The following DPP10 variants were observed in gnomAD, a reference collection of about 807,000 sequenced individuals.
DPP10 encodes the protein dipeptidyl peptidase like 10.
In DPP10, 33 loss-of-function variants were observed where a neutral mutation model predicts 120.9. The ratio of observed to expected loss-of-function variants is 0.27; its 90% CI spans 0.21 to 0.37. DPP10 has a LOEUF of 0.37. Ranked by LOEUF, DPP10 falls within the 10% of genes least tolerant of loss-of-function variation. The probability of loss-of-function intolerance (pLI) is 1.00; values close to 1 mark genes in which losing one functional copy is unlikely to be tolerated. For synonymous variants in DPP10, 337 were observed against 326.1 expected (o/e 1.03, Z -0.36); for missense variants, 816 against 942.8 (o/e 0.87, Z 1.76).
chr2:115,518,873 T>A (rs1032607433), intron 4 of DPP10, among the ~76,000 whole-genome samples: 4 of 152,166 alleles, frequency 2.6e-5, no homozygotes, highest in Non-Finnish European at 5.9e-5. Flanking sequence ...ATATGCTGTA[T>A]TCTTTAATGC....
At chr2:115,420,502 A>G (rs1160773410) in intron 3 of DPP10, among the ~76,000 whole-genome samples, 1 of 149,374 alleles carries the variant, frequency 6.7e-6, no homozygotes, top group African/African-American at 2.5e-5. Flanking sequence ...ATTGTGTCAA[A>G]CAGTTTAGTA....
chr2:114,827,896 A>G (rs754558616), intron 1 of DPP10, among the ~76,000 whole-genome samples: 4 of 152,230 alleles, frequency 2.6e-5, no homozygotes, highest in Non-Finnish European at 5.9e-5. Flanking sequence ...AGATATGAGC[A>G]AAATATTTTA....
intron 1 of DPP10, among the ~76,000 whole-genome samples, chr2:114,541,150 G>T (rs185304986): frequency 5.3e-5 from 8 of 152,176 alleles, no homozygotes; most frequent in Non-Finnish European, 1.2e-4. Context: ...CGATGGGGGC[G>T]AAGTCACGGC....
At chr2:114,637,309 A>G (rs913972952) in intron 1 of DPP10, among the ~76,000 whole-genome samples, 11 of 151,960 alleles carry the variant, frequency 7.2e-5, no homozygotes, top group African/African-American at 2.7e-4. Flanking sequence ...TACAAGATTG[A>G]AGACTTTAGG....
chr2:114,470,752 A>T (rs934178273), intron 1 of DPP10, among the ~76,000 whole-genome samples: 3 of 152,228 alleles, frequency 2.0e-5, no homozygotes, highest in Admixed American at 2.0e-4. Context: ...ATTATATTTT[A>T]TCTTCTCCCA....
intron 1 of DPP10, among the ~76,000 whole-genome samples, chr2:115,246,126 C>T (rs953241216): frequency 3.9e-5 from 6 of 151,962 alleles, no homozygotes; most frequent in African/African-American, 1.5e-4. Flanking sequence ...CCTTCAAAGC[C>T]CACCTCTCAC....
chr2:114,586,876 G>A (rs537453097), intron 1 of DPP10, among the ~76,000 whole-genome samples: 28 of 152,322 alleles, frequency 1.8e-4, no homozygotes, highest in Non-Finnish European at 3.5e-4. Flanking sequence ...TGATCTCCAC[G>A]TACTGGCTCC....
rs566341184 is a variant in DPP10 at position 115,435,961 on chromosome 2, A to G, written c.272-63549A>G. ...TATTAAGGAGCCTGTCCTTTTTCCA[A>G]TGCATGTTCTTGGCACCTGTCTAGT... On this transcript the variant is annotated intron_variant, in intron 3 of 25. Transcript: ENST00000410059. 4.6e-5 allele frequency among the ~76,000 whole-genome samples: 7 copies of G among 151,866 alleles called. No homozygotes were observed. The South Asian group carries it at 8.3e-4, about 18-fold the overall frequency.
chr2:114,989,712 C>G (rs916373817), intron 1 of DPP10, among the ~76,000 whole-genome samples: 1 of 152,176 alleles, frequency 6.6e-6, no homozygotes, highest in South Asian at 2.1e-4. Context: ...GGTTCGTTAT[C>G]TAAATCATAA....
intron 1 of DPP10, among the ~76,000 whole-genome samples, chr2:114,942,934 T>C (rs543421420): frequency 6.6e-6 from 1 of 152,102 alleles, no homozygotes; most frequent in African/African-American, 2.4e-5. Context: ...AGTTCTGGAG[T>C]ACACCTGCGG....
At chr2:115,423,423 C>G (rs975409171) in intron 3 of DPP10, among the ~76,000 whole-genome samples, 28 of 152,016 alleles carry the variant, frequency 1.8e-4, no homozygotes, top group African/African-American at 6.0e-4. Flanking sequence ...ATTTAAAATT[C>G]TAATGACAAA....
intron 3 of DPP10, among the ~76,000 whole-genome samples, chr2:115,414,662 C>T (rs377582857): frequency 6.6e-6 from 1 of 152,108 alleles, no homozygotes; most frequent in Non-Finnish European, 1.5e-5. Flanking sequence ...TGAGTAATAT[C>T]TGAAGTTGTA....
chr2:114,466,008 C>T (rs1330579421), intron 1 of DPP10, among the ~76,000 whole-genome samples: 2 of 152,246 alleles, frequency 1.3e-5, no homozygotes, highest in East Asian at 1.9e-4. Context: ...CCCCTACCTG[C>T]CTCTGGAATC....
At chr2:114,943,100 C>T (rs763954026) in intron 1 of DPP10, among the ~76,000 whole-genome samples, 4 of 152,086 alleles carry the variant, frequency 2.6e-5, no homozygotes, top group Non-Finnish European at 5.9e-5. Flanking sequence ...CTCCCTGTGT[C>T]CATGTGTTCT....
intron 1 of DPP10, among the ~76,000 whole-genome samples, chr2:114,860,190 T>C (rs1314043360): frequency 6.6e-6 from 1 of 152,202 alleles, no homozygotes; most frequent in Non-Finnish European, 1.5e-5. Flanking sequence ...TTCATTAAGA[T>C]TAAATGTGGG....
At position 114,450,515 on chromosome 2, in the gene DPP10, A is replaced by G. The variant is rs1345889958; in HGVS notation, c.60+7677A>G. ...ATTAATATTGTTTAAATAAAAGAAC[A>G]AAAAGAACAAAGAAAGCTATAAATT... is the stretch of plus-strand genomic sequence containing the variant. On this transcript the variant is annotated intron_variant, in intron 1 of 25. Transcript: ENST00000410059. 4.6e-5 allele frequency among the ~76,000 whole-genome samples: 7 copies of G among 152,112 alleles called. No individual in the cohort carries two copies. The South Asian group carries it at 1.0e-3, about 22-fold the overall frequency.
intron 1 of DPP10, among the ~76,000 whole-genome samples, chr2:114,689,106 T>C (rs1168756884): frequency 1.3e-5 from 2 of 151,820 alleles, no homozygotes; most frequent in African/African-American, 4.8e-5. Flanking sequence ...CAGCGGTACA[T>C]GTGCAGGATG....
chr2:114,782,244 A>C (rs1243128063), intron 1 of DPP10, among the ~76,000 whole-genome samples: 1 of 151,906 alleles, frequency 6.6e-6, no homozygotes, highest in Non-Finnish European at 1.5e-5. Flanking sequence ...GGAGAGATGG[A>C]GATTATGATA....
At chr2:115,811,160 T>C (rs1164888643) in intron 19 of DPP10, among the ~76,000 whole-genome samples, 5 of 152,242 alleles carry the variant, frequency 3.3e-5, no homozygotes, top group Admixed American at 6.5e-5. Context: ...TCATAATCCA[T>C]GTTCTTTTAA....
Sources: gnomAD v4.1 joint callset for allele counts (sites outside exome capture counted in the v4.1 genomes callset) on GRCh38, gnomAD v4.1.1 for gene constraint, MANE v1.5 for transcripts, NCBI Gene and HGNC (gene_info 2026-07-23, HGNC 2026-07-21) for gene names.